Variants in CAMK1D observed in about 807,000 individuals in gnomAD.
CAMK1D encodes calcium/calmodulin-dependent protein kinase type 1D.
Under a neutral mutation model 47.7 loss-of-function variants are expected in CAMK1D, and 9 were observed. That is an observed-to-expected ratio of 0.19 (90% CI 0.11 to 0.33). The LOEUF is 0.33. Among genes scored for constraint, CAMK1D ranks in the 10% least tolerant of loss-of-function variants. The pLI, the probability that CAMK1D is intolerant of heterozygous loss-of-function variation, is 1.00. For missense variants in CAMK1D, 291 were observed against 488.7 expected (o/e 0.60, Z 3.81); for synonymous variants, 184 against 184.9 (o/e 0.99, Z 0.04).
At chr10:12,539,574 G>A (rs1836096642) in intron 1 of CAMK1D, among the ~76,000 whole-genome samples, 1 of 152,228 alleles carries the variant, frequency 6.6e-6, no homozygotes, top group East Asian at 1.9e-4. Flanking sequence ...TCAGAGAGCA[G>A]AACATGAGCA....
At chr10:12,581,367 T>C (rs1291395630) in intron 2 of CAMK1D, among the ~76,000 whole-genome samples, 3 of 152,206 alleles carry the variant, frequency 2.0e-5, no homozygotes, top group Non-Finnish European at 4.4e-5. Context: ...AAGTATGTTT[T>C]TTGTACAATG....
intron 3 of CAMK1D, among the ~76,000 whole-genome samples, chr10:12,725,881 C>G (rs1834604741): frequency 6.6e-6 from 1 of 152,012 alleles, no homozygotes; most frequent in Admixed American, 6.5e-5. Context: ...CTCAGCCTCC[C>G]AAGTAGCTGG....
Position 12,701,885 on chromosome 10 carries a change from C to T in CAMK1D, c.299+35075C>T, listed in dbSNP as rs572985885. Among the ~76,000 whole-genome samples the T allele has an allele frequency of 2.5e-4, 38 of 152,290 alleles. No homozygotes were observed. In the South Asian group the frequency reaches 7.7e-3, roughly 31 times the overall value. ...TCTTCCCCAGCCATGCGTTTGGAGC[C>T]CCAGGCAGGCAAGATCCTGCCATAT... is the stretch of plus-strand genomic sequence containing the variant. On this transcript the variant is annotated intron_variant, in intron 3 of 10. Coordinates refer to ENST00000619168, the MANE Select transcript of CAMK1D (RefSeq NM_153498.4).
At chr10:12,470,557 G>A (rs76965722) in intron 1 of CAMK1D, among the ~76,000 whole-genome samples, 1,770 of 149,900 alleles carry the variant, frequency 0.012, 38 homozygotes, top group African/African-American at 0.039. Flanking sequence ...TCGCTCTGTC[G>A]CCCAGGTGGA....
At chr10:12,532,421 A>T (rs944072534) in intron 1 of CAMK1D, among the ~76,000 whole-genome samples, 27 of 151,102 alleles carry the variant, frequency 1.8e-4, no homozygotes, top group African/African-American at 6.3e-4. Context: ...CTGGGACTAC[A>T]GGCGCCCGCC....
chr10:12,433,058 C>G (rs1832534232), intron 1 of CAMK1D, among the ~76,000 whole-genome samples: 1 of 152,184 alleles, frequency 6.6e-6, no homozygotes, highest in Non-Finnish European at 1.5e-5. Flanking sequence ...GGCATGGGAG[C>G]AGGTGGGGCG....
rs552120172 is a variant in CAMK1D at position 12,401,263 on chromosome 10, T to C, written c.92+51353T>C. 1.7e-3 allele frequency among the ~76,000 whole-genome samples: 53 copies of C among 31,606 alleles called. 13 individuals are homozygous for C. The highest frequency in any genetic ancestry group is 2.5e-3 in the South Asian group (3 of 1,180). The allele number at this position is 31,606 out of a possible 152,430, so 20.7% of individuals were successfully genotyped here. ...TTATATATATATAATATATGTATTA[T>C]ATATATTATGTATATATTTTATATA... On this transcript the variant is annotated intron_variant, in intron 1 of 10. Transcript: ENST00000619168.
At chr10:12,515,673 G>A (rs1835187288) in intron 1 of CAMK1D, among the ~76,000 whole-genome samples, 1 of 145,092 alleles carries the variant, frequency 6.9e-6, no homozygotes, top group East Asian at 2.1e-4. Context: ...GCAGTGGCGC[G>A]ATCTTGGCTC....
At chr10:12,427,070 G>A (rs1229273935) in intron 1 of CAMK1D, among the ~76,000 whole-genome samples, 1 of 152,092 alleles carries the variant, frequency 6.6e-6, no homozygotes, top group South Asian at 2.1e-4. Flanking sequence ...GACTGGTCTC[G>A]AACTCCTGGG....
chr10:12,695,403 CA>C (rs1833246993), intron 3 of CAMK1D, among the ~76,000 whole-genome samples: 2 of 152,156 alleles, frequency 1.3e-5, no homozygotes, highest in East Asian at 3.9e-4. Context: ...CCTCTGTCCC[CA>C]AGGCGTGCCC....
chr10:12,542,419 A>G (rs943339051), intron 1 of CAMK1D, among the ~76,000 whole-genome samples: 4 of 152,238 alleles, frequency 2.6e-5, no homozygotes, highest in African/African-American at 9.6e-5. Flanking sequence ...GCAAAGAGCC[A>G]ATAATAGCTA....
intron 1 of CAMK1D, among the ~76,000 whole-genome samples, chr10:12,439,234 C>T (rs1253245468): frequency 6.6e-6 from 1 of 152,166 alleles, no homozygotes; most frequent in Non-Finnish European, 1.5e-5. Context: ...TTGACAGGTG[C>T]TTTCTGTGGC....
rs141503578 is a variant in CAMK1D at position 12,732,546 on chromosome 10, G to A, written c.300-28402G>A. Among the ~76,000 whole-genome samples the A allele has an allele frequency of 8.4e-3, 1,281 of 152,116 alleles. 23 individuals carry two copies. Among genetic ancestry groups the A allele is most frequent in the African/African-American group, 0.029 (1,201 of 41,472 alleles). ...GAAAGGCACTTCTTACGTGGTGGCC[G>A]CAAGAGAAAATGAGGAGGAGGCAAA... On this transcript the variant is annotated intron_variant, in intron 3 of 10. Transcript: ENST00000619168.
At chr10:12,569,468 C>A (rs1488723583) in intron 2 of CAMK1D, among the ~76,000 whole-genome samples, 1 of 149,478 alleles carries the variant, frequency 6.7e-6, no homozygotes, top group African/African-American at 2.5e-5. Context: ...CCCAGCACTT[C>A]GGGAGGCCGA....
chr10:12,737,644 C>G (rs887630320), intron 3 of CAMK1D, among the ~76,000 whole-genome samples: 2 of 152,150 alleles, frequency 1.3e-5, no homozygotes, highest in African/African-American at 4.8e-5. Flanking sequence ...CCCTTTAACA[C>G]TTCTGTTCTT....
chr10:12,482,605 C>T (rs1834097004), intron 1 of CAMK1D, among the ~76,000 whole-genome samples: 2 of 152,286 alleles, frequency 1.3e-5, no homozygotes, highest in Middle Eastern at 3.4e-3. Flanking sequence ...CGGAACTTTT[C>T]CTGAGTGCTA....
chr10:12,496,374 C>T (rs979317165), intron 1 of CAMK1D, among the ~76,000 whole-genome samples: 2 of 152,104 alleles, frequency 1.3e-5, no homozygotes, highest in African/African-American at 4.8e-5. Flanking sequence ...CTCTTCATGG[C>T]GTCTGGGACC....
intron 1 of CAMK1D, among the ~76,000 whole-genome samples, chr10:12,498,475 G>T (rs1390263629): frequency 1.3e-5 from 2 of 152,194 alleles, no homozygotes; most frequent in Admixed American, 1.3e-4. Flanking sequence ...AGGTATTCAG[G>T]AACTCTCTGG....
At chr10:12,456,490 A>C (rs1833246489) in intron 1 of CAMK1D, 1 of 152,232 alleles carries the variant, frequency 6.6e-6, no homozygotes, top group Non-Finnish European at 1.5e-5. Flanking sequence ...CCCGTGTTTT[A>C]TGAAAGTAAA....
Sources: gnomAD v4.1 joint callset for allele counts (sites outside exome capture counted in the v4.1 genomes callset) on GRCh38, gnomAD v4.1.1 for gene constraint, MANE v1.5 for transcripts, NCBI Gene and HGNC (gene_info 2026-07-23, HGNC 2026-07-21) for gene names.